The following SGCZ variants were observed in gnomAD, a reference collection of about 807,000 sequenced individuals.
The protein encoded by SGCZ is sarcoglycan zeta.
Under a neutral mutation model 41.3 loss-of-function variants are expected in SGCZ, and 40 were observed. The ratio of observed to expected loss-of-function variants is 0.97; its 90% CI spans 0.75 to 1.26. SGCZ has a LOEUF of 1.26. Ranked by LOEUF, SGCZ falls within the 50% of genes most tolerant of loss-of-function variation. The pLI, the probability that SGCZ is intolerant of heterozygous loss-of-function variation, is 0.00. For missense variants in SGCZ, 552 were observed against 369.8 expected, an observed-to-expected ratio of 1.49 and a Z score of -4.04; for synonymous variants, 206 against 137.5, an observed-to-expected ratio of 1.50 and a Z score of -3.49.
chr8:15,036,354 T>C (rs56338556), intron 1 of SGCZ, among the ~76,000 whole-genome samples: 15,787 of 152,032 alleles, frequency 0.1, 1,049 homozygotes, highest in African/African-American at 0.17. Context: ...ATGTCTCTCA[T>C]TGAACACATG....
chr8:15,019,238 T>C (rs775495635), intron 1 of SGCZ, among the ~76,000 whole-genome samples: 2 of 152,248 alleles, frequency 1.3e-5, no homozygotes, highest in South Asian at 4.2e-4. Context: ...GGCATGGAAG[T>C]TGAAGGTCAG....
intron 4 of SGCZ, among the ~76,000 whole-genome samples, chr8:14,207,599 T>C (rs1164890493): frequency 3.9e-5 from 6 of 152,214 alleles, no homozygotes; most frequent in South Asian, 2.1e-4. Flanking sequence ...TGTTAAGTTA[T>C]AATGAACACA....
intron 1 of SGCZ, among the ~76,000 whole-genome samples, chr8:14,959,667 AG>A (rs1279281613): frequency 6.6e-6 from 1 of 152,174 alleles, no homozygotes; most frequent in African/African-American, 2.4e-5. Flanking sequence ...CATATTCCAG[AG>A]AAAAAGGTAG....
At chr8:14,091,768 AT>A (rs1217153260) in intron 7 of SGCZ, among the ~76,000 whole-genome samples, 1 of 152,144 alleles carries the variant, frequency 6.6e-6, no homozygotes, top group Non-Finnish European at 1.5e-5. Flanking sequence ...ATTTTCTGCC[AT>A]TCTGTAGGTT....
At position 14,554,826 on chromosome 8, in the gene SGCZ, C is replaced by G. The variant is rs1299936144; in HGVS notation, c.140G>C (p.Arg47Thr). Reference sequence around the variant, plus strand: ...CAGAAGGACAAAGAAGTATAAGCACCTCTTTCGCCATCCATAAATTCCCAC... The same window carrying G: ...CAGAAGGACAAAGAAGTATAAGCACGTCTTTCGCCATCCATAAATTCCCAC... ...YPVGIYGWRK[R>T]CLYFFVLLLL... Residue 47 changes from arginine to threonine, a missense_variant, in exon 2 of 8, where the codon AGG (arginine) becomes ACG (threonine). Coordinates refer to ENST00000382080, the MANE Select transcript of SGCZ (RefSeq NM_139167.4). 3 of 1,613,076 alleles carry G rather than the reference C, an allele frequency of 1.9e-6. No homozygotes were observed. Among genetic ancestry groups the G allele is most frequent in the African/African-American group, 2.7e-5 (2 of 74,884 alleles).
At chr8:14,346,937 G>C (rs1802909250) in intron 2 of SGCZ, among the ~76,000 whole-genome samples, 1 of 151,794 alleles carries the variant, frequency 6.6e-6, no homozygotes, top group Admixed American at 6.6e-5. Context: ...CAGTGGCTTT[G>C]ATAACATATT....
intron 1 of SGCZ, among the ~76,000 whole-genome samples, chr8:14,829,223 A>G (rs958304326): frequency 6.6e-6 from 1 of 152,140 alleles, no homozygotes; most frequent in African/African-American, 2.4e-5. Flanking sequence ...GCCCCAGTGC[A>G]TATTGTTGCC....
At chr8:14,368,621 G>C (rs1003640071) in intron 2 of SGCZ, among the ~76,000 whole-genome samples, 5 of 151,840 alleles carry the variant, frequency 3.3e-5, no homozygotes, top group African/African-American at 4.8e-5. Flanking sequence ...TTATAAGGCA[G>C]AGAGTTTTTT....
At chr8:15,171,512 A>G (rs1563164295) in intron 1 of SGCZ, among the ~76,000 whole-genome samples, 1 of 152,218 alleles carries the variant, frequency 6.6e-6, no homozygotes, top group African/African-American at 2.4e-5. Flanking sequence ...TGCTCTGAAA[A>G]TCACTCAAAG....
intron 2 of SGCZ, among the ~76,000 whole-genome samples, chr8:14,326,412 A>C (rs922907128): frequency 1.3e-5 from 2 of 152,138 alleles, no homozygotes; most frequent in African/African-American, 4.8e-5. Flanking sequence ...GAGAGAAAAA[A>C]ACGAATAGGA....
At chr8:14,591,419 T>C (rs1047196222) in intron 1 of SGCZ, among the ~76,000 whole-genome samples, 2 of 152,026 alleles carry the variant, frequency 1.3e-5, no homozygotes, top group Non-Finnish European at 1.5e-5. Context: ...GTGCATTTCC[T>C]AGATTTGCTA....
chr8:14,124,697 G>C (rs746959544), intron 5 of SGCZ, among the ~76,000 whole-genome samples: 2 of 152,034 alleles, frequency 1.3e-5, no homozygotes, highest in South Asian at 2.1e-4. Context: ...TTGTGATTTA[G>C]TTAAGAAAGT....
At chr8:14,551,332 T>A (rs1803802477) in intron 2 of SGCZ, among the ~76,000 whole-genome samples, 1 of 140,826 alleles carries the variant, frequency 7.1e-6, no homozygotes, top group South Asian at 2.2e-4. Flanking sequence ...ACTAGTCTAT[T>A]AACTAAACCA....
At chr8:14,769,493 T>G (rs766854024) in intron 1 of SGCZ, among the ~76,000 whole-genome samples, 1 of 152,120 alleles carries the variant, frequency 6.6e-6, no homozygotes, top group Non-Finnish European at 1.5e-5. Flanking sequence ...AGTGGTCTTT[T>G]AAAACACTTC....
chr8:14,313,072 C>T (rs1801600431), intron 3 of SGCZ, among the ~76,000 whole-genome samples: 1 of 152,248 alleles, frequency 6.6e-6, no homozygotes, highest in South Asian at 2.1e-4. Context: ...TTTCATGATA[C>T]TCAGATAAGT....
At chr8:14,580,670 GT>G (rs1804858223) in intron 1 of SGCZ, among the ~76,000 whole-genome samples, 3 of 152,292 alleles carry the variant, frequency 2.0e-5, no homozygotes, top group Admixed American at 2.0e-4. Flanking sequence ...CAAAATTAGA[GT>G]TTAAAACATT....
At chr8:14,810,715 G>T (rs1297240106) in intron 1 of SGCZ, among the ~76,000 whole-genome samples, 2 of 151,986 alleles carry the variant, frequency 1.3e-5, no homozygotes, top group Non-Finnish European at 2.9e-5. Context: ...CTTCCTGGCA[G>T]TAGCTTGAAA....
intron 2 of SGCZ, among the ~76,000 whole-genome samples, chr8:14,552,998 T>C (rs1181551414): frequency 6.6e-6 from 1 of 152,016 alleles, no homozygotes; most frequent in East Asian, 1.9e-4. Flanking sequence ...GAATATGCTT[T>C]ACCTCTTTTA....
At chr8:14,417,219 C>A (rs765714011) in intron 2 of SGCZ, among the ~76,000 whole-genome samples, 48 of 151,940 alleles carry the variant, frequency 3.2e-4, no homozygotes, top group Non-Finnish European at 5.9e-4. Context: ...CCTAAGCGAT[C>A]TTCAACTCAG....
Sources: gnomAD v4.1 joint callset for allele counts (sites outside exome capture counted in the v4.1 genomes callset) on GRCh38, gnomAD v4.1.1 for gene constraint, MANE v1.5 for transcripts, NCBI Gene and HGNC (gene_info 2026-07-23, HGNC 2026-07-21) for gene names.